BMPR1A: variants seen among roughly 807,000 people sequenced by gnomAD.
The protein encoded by BMPR1A is bone morphogenetic protein receptor type-1A.
Under a neutral mutation model 66.0 loss-of-function variants are expected in BMPR1A, and 7 were observed. That is an observed-to-expected ratio of 0.11 (90% CI 0.06 to 0.20). The LOEUF is 0.20. Among genes scored for constraint, BMPR1A ranks in the 10% least tolerant of loss-of-function variants. The pLI is 1.00. For synonymous variants in BMPR1A, 200 were observed against 229.7 expected, an observed-to-expected ratio of 0.87 and a Z score of 1.17; for missense variants, 408 against 669.1, an observed-to-expected ratio of 0.61 and a Z score of 4.31.
At chr10:86,795,220 G>A (rs1002966007) in intron 1 of BMPR1A, among the ~76,000 whole-genome samples, 3 of 151,056 alleles carry the variant, frequency 2.0e-5, no homozygotes, top group African/African-American at 7.3e-5. Context: ...TATATGTGTT[G>A]TAGAAGCAAA....
chr10:86,763,863 T>A (rs979214523), intron 1 of BMPR1A, among the ~76,000 whole-genome samples: 1 of 146,826 alleles, frequency 6.8e-6, no homozygotes, highest in Non-Finnish European at 1.5e-5. Context: ...GCATGTTGGC[T>A]CACTGCAAGC....
intron 2 of BMPR1A, among the ~76,000 whole-genome samples, chr10:86,864,477 C>G (rs1589751974): frequency 6.6e-6 from 1 of 152,220 alleles, no homozygotes; most frequent in South Asian, 2.1e-4. Flanking sequence ...CCTCCAGGCC[C>G]TAGTTGACTC....
At chr10:86,874,269 C>G (rs1333227036) in intron 2 of BMPR1A, among the ~76,000 whole-genome samples, 2 of 152,152 alleles carry the variant, frequency 1.3e-5, no homozygotes, top group Non-Finnish European at 2.9e-5. Flanking sequence ...TAATAATCAC[C>G]AAACCTTAAT....
intron 2 of BMPR1A, chr10:86,855,714 G>T: frequency 1.3e-6 from 1 of 780,012 alleles, no homozygotes; most frequent in Admixed American, 2.3e-5. Flanking sequence ...TGTTCTTTGT[G>T]TTTGGCATTA....
chr10:86,875,155 C>T (rs1842905222), intron 2 of BMPR1A, among the ~76,000 whole-genome samples: 1 of 151,692 alleles, frequency 6.6e-6, no homozygotes, highest in Admixed American at 6.6e-5. Context: ...GGCGGATCAC[C>T]TGAGGTCAGG....
intron 5 of BMPR1A, among the ~76,000 whole-genome samples, chr10:86,895,908 CT>C (rs1843217798): frequency 6.6e-6 from 1 of 152,132 alleles, no homozygotes; most frequent in Non-Finnish European, 1.5e-5. Context: ...AATTCTAGCA[CT>C]TTGGGAGGCC....
chr10:86,871,769 T>G (rs937410766), intron 2 of BMPR1A, among the ~76,000 whole-genome samples: 1 of 151,662 alleles, frequency 6.6e-6, no homozygotes, highest in African/African-American at 2.4e-5. Flanking sequence ...ACCACTGCAC[T>G]TCAGCCTGGG....
chr10:86,763,789 T>TG (rs1394287642), intron 1 of BMPR1A, among the ~76,000 whole-genome samples: 1 of 132,914 alleles, frequency 7.5e-6, no homozygotes, highest in African/African-American at 2.8e-5. Context: ...CTTGGATAGT[T>TG]GTTTTTTTTT....
intron 1 of BMPR1A, among the ~76,000 whole-genome samples, chr10:86,773,013 T>C (rs1841288425): frequency 6.6e-6 from 1 of 152,142 alleles, no homozygotes; most frequent in Non-Finnish European, 1.5e-5. Flanking sequence ...TGAGTAAAGC[T>C]AAGTTCATCC....
chr10:86,823,140 T>A (rs1423539145), intron 1 of BMPR1A, among the ~76,000 whole-genome samples: 1 of 152,238 alleles, frequency 6.6e-6, no homozygotes, highest in Non-Finnish European at 1.5e-5. Context: ...TATTAGGCAA[T>A]GTTATTAAAT....
chr10:86,878,806 C>T (rs1172931683), intron 3 of BMPR1A, among the ~76,000 whole-genome samples: 1 of 152,140 alleles, frequency 6.6e-6, no homozygotes, highest in East Asian at 1.9e-4. Context: ...TCACAATTGT[C>T]TTAATCTATA....
At chr10:86,849,094 C>G (rs570890905) in intron 2 of BMPR1A, among the ~76,000 whole-genome samples, 14 of 152,188 alleles carry the variant, frequency 9.2e-5, no homozygotes, top group Non-Finnish European at 1.8e-4. Flanking sequence ...AGTGATTTCT[C>G]CTTGTCTGCT....
intron 2 of BMPR1A, among the ~76,000 whole-genome samples, chr10:86,862,793 A>T (rs916762952): frequency 2.0e-5 from 3 of 152,110 alleles, no homozygotes; most frequent in Non-Finnish European, 4.4e-5. Context: ...CTAAAAATAA[A>T]AAAAAAAAGA....
At chr10:86,822,404 C>A (rs890589241) in intron 1 of BMPR1A, among the ~76,000 whole-genome samples, 1 of 152,130 alleles carries the variant, frequency 6.6e-6, no homozygotes, top group African/African-American at 2.4e-5. Context: ...AGGGCACACA[C>A]TTCAATGGTT....
chr10:86,888,239 G>GTTT (rs1488239751), intron 3 of BMPR1A, among the ~76,000 whole-genome samples: 1 of 151,620 alleles, frequency 6.6e-6, no homozygotes, highest in Non-Finnish European at 1.5e-5. Context: ...TGAGGCAAGT[G>GTTT]GATCACTTGA....
intron 1 of BMPR1A, among the ~76,000 whole-genome samples, chr10:86,832,276 G>T (rs1842279440): frequency 6.6e-6 from 1 of 152,066 alleles, no homozygotes; most frequent in Admixed American, 6.6e-5. Context: ...GATGAGCCTG[G>T]CCAAGATGGT....
At chr10:86,837,858 C>CAA (rs543365360) in intron 1 of BMPR1A, among the ~76,000 whole-genome samples, 4 of 152,186 alleles carry the variant, frequency 2.6e-5, no homozygotes, top group Non-Finnish European at 5.9e-5. Flanking sequence ...TGAGCGGAGA[C>CAA]TCTTGTCTTT....
intron 1 of BMPR1A, among the ~76,000 whole-genome samples, chr10:86,805,358 G>T (rs1841873964): frequency 7.6e-6 from 1 of 130,778 alleles, no homozygotes; most frequent in South Asian, 2.5e-4. Flanking sequence ...CTCTGTTTCT[G>T]TCTCTTCACT....
intron 1 of BMPR1A, among the ~76,000 whole-genome samples, chr10:86,769,002 A>G (rs1841209277): frequency 6.6e-6 from 1 of 152,248 alleles, no homozygotes; most frequent in Non-Finnish European, 1.5e-5. Flanking sequence ...GGACAGTTCT[A>G]TCTTAAAATG....
Sources: gnomAD v4.1 joint callset for allele counts (sites outside exome capture counted in the v4.1 genomes callset) on GRCh38, gnomAD v4.1.1 for gene constraint, MANE v1.5 for transcripts, NCBI Gene and HGNC (gene_info 2026-07-23, HGNC 2026-07-21) for gene names.